The following VANGL1 variants were observed in gnomAD, a reference collection of about 807,000 sequenced individuals.
The protein encoded by VANGL1 is vang-like protein 1.
VANGL1 carries 18 observed loss-of-function variants against 48.4 expected under a neutral mutation model. The ratio of observed to expected loss-of-function variants is 0.37; its 90% CI spans 0.26 to 0.55. VANGL1 has a LOEUF of 0.55. Among genes scored for constraint, VANGL1 ranks in the 20% least tolerant of loss-of-function variants. VANGL1 has a pLI of 0.81. For synonymous variants in VANGL1, 257 were observed against 261.8 expected (o/e 0.98, Z 0.18); for missense variants, 667 against 675.8 (o/e 0.99, Z 0.14).
intron 2 of VANGL1, among the ~76,000 whole-genome samples, chr1:115,652,902 A>G (rs192021043): frequency 1.4e-3 from 220 of 152,232 alleles, no homozygotes; most frequent in Non-Finnish European, 2.6e-3. Flanking sequence ...ATCTTTTTGT[A>G]CTTGTTCAAT....
chr1:115,685,775 G>T (rs1653584834), intron 7 of VANGL1, among the ~76,000 whole-genome samples: 1 of 152,078 alleles, frequency 6.6e-6, no homozygotes, highest in Non-Finnish European at 1.5e-5. Flanking sequence ...ATGGAATAGT[G>T]ATTGGAGACA....
chr1:115,692,917 T>C lies in VANGL1; in HGVS notation c.*1538T>C, dbSNP rs1653897373. The C allele has an allele frequency of 6.6e-6, 1 of 152,292 alleles. No individual in the cohort carries two copies. Among genetic ancestry groups the C allele is most frequent in the African/African-American group, 2.4e-5 (1 of 41,474 alleles). The allele number at this position is 152,292 out of a possible 1,614,324, so 9.4% of individuals were successfully genotyped here. ...AGTACAGGATGACATTGTCGAATGC[T>C]CTTTGTATGTGTGCACACCCCCTTA... On this transcript the variant is annotated 3_prime_UTR_variant, in exon 8 of 8. Transcript: ENST00000355485.
At chr1:115,658,057 A>G (rs552739563) in intron 2 of VANGL1, among the ~76,000 whole-genome samples, 1 of 152,188 alleles carries the variant, frequency 6.6e-6, no homozygotes, top group African/African-American at 2.4e-5. Context: ...TGGGGATTAC[A>G]ATTGAGCATG....
intron 1 of VANGL1, among the ~76,000 whole-genome samples, chr1:115,644,128 A>G (rs556008141): frequency 6.6e-6 from 1 of 152,350 alleles, no homozygotes; most frequent in African/African-American, 2.4e-5. Context: ...TATATAAACA[A>G]ACAATTCTAG....
intron 2 of VANGL1, among the ~76,000 whole-genome samples, chr1:115,656,655 G>A (rs527979904): frequency 1.3e-5 from 2 of 152,336 alleles, no homozygotes; most frequent in African/African-American, 4.8e-5. Flanking sequence ...TCCCTCCGAT[G>A]TTATCAGGGG....
chr1:115,663,547 G>A lies in VANGL1; in HGVS notation c.205-114G>A, dbSNP rs902937659. The A allele has an allele frequency of 4.2e-6, 6 of 1,415,104 alleles. No homozygotes were observed. The African/African-American group carries it at 8.6e-5, about 20-fold the overall frequency. The allele number at this position is 1,415,104 out of a possible 1,614,324, so 87.7% of individuals were successfully genotyped here. ...TAAAGAGTTAAGCTTTCATTTTCTG[G>A]AAGCCTTTGTGAATAGGGCTGGGTA... On this transcript the variant is annotated intron_variant, in intron 3 of 7. Coordinates refer to ENST00000355485, the MANE Select transcript of VANGL1 (RefSeq NM_138959.3).
At chr1:115,675,139 G>C (rs557283010) in intron 4 of VANGL1, among the ~76,000 whole-genome samples, 1 of 152,178 alleles carries the variant, frequency 6.6e-6, no homozygotes, top group African/African-American at 2.4e-5. Flanking sequence ...CTGAAAGGTC[G>C]TTTCAGTGTG....
intron 4 of VANGL1, among the ~76,000 whole-genome samples, chr1:115,665,205 A>G (rs1029029361): frequency 2.0e-5 from 3 of 152,194 alleles, no homozygotes; most frequent in Non-Finnish European, 4.4e-5. Context: ...GCCAGGGGCC[A>G]CCCTTATACC....
At position 115,694,535 on chromosome 1, in the gene VANGL1, T is replaced by G. The variant is rs1442457945; in HGVS notation, c.*3156T>G. ...CTCTCATTTTGCCTCATAATCACTT[T>G]CGAGTGCATGTATTTACCTAAGGGC... On this transcript the variant is annotated 3_prime_UTR_variant, in exon 8 of 8. Coordinates refer to ENST00000355485, the MANE Select transcript of VANGL1 (RefSeq NM_138959.3). 1 of 152,178 alleles carries G rather than the reference T, an allele frequency of 6.6e-6. No homozygotes were observed. The highest frequency in any genetic ancestry group is 1.9e-4 in the East Asian group (1 of 5,182). The allele number at this position is 152,178 out of a possible 1,614,324, so 9.4% of individuals were successfully genotyped here.
chr1:115,682,232 A>C (rs1343128524), intron 4 of VANGL1, 132 bp from the exon 5 acceptor site: 1 of 1,282,034 alleles, frequency 7.8e-7, no homozygotes, highest in East Asian at 2.5e-5. Context: ...GTGTGGTGGA[A>C]CCCAGTGGAC....
At chr1:115,660,944 C>T (rs1652523841) in intron 3 of VANGL1, among the ~76,000 whole-genome samples, 1 of 152,158 alleles carries the variant, frequency 6.6e-6, no homozygotes, top group Admixed American at 6.5e-5. Context: ...TTGGATCACC[C>T]TGGAGTACTT....
At chr1:115,680,023 A>G (rs201075075) in intron 4 of VANGL1, among the ~76,000 whole-genome samples, 8,366 of 124,768 alleles carry the variant, frequency 0.067, 290 homozygotes, top group East Asian at 0.13. Context: ...GTGTGTGTGT[A>G]TGTGAGAGAG....
chr1:115,688,553 A>G lies in VANGL1; in HGVS notation c.1315-2566A>G, dbSNP rs190349618. On this transcript the variant is annotated intron_variant, in intron 7 of 7. Coordinates refer to ENST00000355485, the MANE Select transcript of VANGL1 (RefSeq NM_138959.3). ...AGCATTGTGGTGAATACTTTTTTACATATGTATTTGTACAAGTATTTCTGA... is the reference window on the plus strand; with the variant it reads ...AGCATTGTGGTGAATACTTTTTTACGTATGTATTTGTACAAGTATTTCTGA... 2.0e-4 allele frequency among the ~76,000 whole-genome samples: 28 copies of G among 138,286 alleles called. 6 individuals are homozygous for G. In the East Asian group the frequency reaches 5.3e-3, roughly 26 times the overall value. The allele number at this position is 138,286 out of a possible 152,430, so 90.7% of individuals were successfully genotyped here.
At chr1:115,679,977 ACC>A (rs1653316457) in intron 4 of VANGL1, among the ~76,000 whole-genome samples, 1 of 108,736 alleles carries the variant, frequency 9.2e-6, no homozygotes, top group Non-Finnish European at 1.9e-5. Context: ...CTAGGCACAC[ACC>A]AGGGAGTGTG....
intron 2 of VANGL1, 121 bp downstream of exon 2, chr1:115,651,605 G>A: frequency 1.2e-6 from 1 of 830,182 alleles, no homozygotes; most frequent in East Asian, 2.6e-5. Flanking sequence ...TGCATGAGAA[G>A]CTGAGCTTTA....
intron 3 of VANGL1, among the ~76,000 whole-genome samples, chr1:115,662,530 T>C (rs1009617640): frequency 6.6e-6 from 1 of 152,236 alleles, no homozygotes; most frequent in Non-Finnish European, 1.5e-5. Context: ...AATAGACTAA[T>C]TGCTTTAACT....
chr1:115,680,349 T>C (rs10923168), intron 4 of VANGL1, among the ~76,000 whole-genome samples: 42,863 of 152,096 alleles, frequency 0.28, 6,453 homozygotes, highest in East Asian at 0.53. Flanking sequence ...CTCACTGTCA[T>C]GGGGTTCATG....
At chr1:115,683,921 C>T in intron 5 of VANGL1, 23 bp from the exon 6 acceptor site, 1 of 1,612,120 alleles carries the variant, frequency 6.2e-7, no homozygotes, top group Non-Finnish European at 8.5e-7. Flanking sequence ...TAACACTATT[C>T]TTTCACTGTC....
intron 7 of VANGL1, 32 bp downstream of exon 7, chr1:115,685,559 C>T (rs545014130): frequency 2.1e-5 from 33 of 1,606,998 alleles, no homozygotes; most frequent in Non-Finnish European, 2.6e-5. Flanking sequence ...CTGCCACCGT[C>T]ATCCTGGCTT....
Sources: allele counts gnomAD v4.1 joint callset (sites outside exome capture counted in the v4.1 genomes callset), GRCh38; gene constraint gnomAD v4.1.1; transcripts MANE v1.5; gene names NCBI Gene and HGNC (gene_info 2026-07-23, HGNC 2026-07-21).